DENND5B: variants seen among roughly 807,000 people sequenced by gnomAD.
The protein encoded by DENND5B is DENN domain containing 5B, also known as DENN domain-containing protein 5B.
A neutral mutation model predicts 140.6 loss-of-function variants in DENND5B; 34 were observed. The observed-to-expected ratio is 0.24, with a 90% CI of 0.18 to 0.32. The LOEUF (loss-of-function observed/expected upper bound fraction) is 0.32. Ranked by LOEUF, DENND5B falls within the 10% of genes least tolerant of loss-of-function variation. The probability of loss-of-function intolerance (pLI) is 1.00; values close to 1 mark genes in which losing one functional copy is unlikely to be tolerated. For missense variants in DENND5B, 1,142 were observed against 1,560.2 expected, an observed-to-expected ratio of 0.73 and a Z score of 4.52; for synonymous variants, 551 against 562.1, an observed-to-expected ratio of 0.98 and a Z score of 0.28.
chr12:31,442,917 T>A lies in DENND5B; in HGVS notation c.1870A>T (p.Ile624Phe). Residue 624 changes from isoleucine to phenylalanine, a missense_variant, in exon 7 of 21, where the codon ATT (isoleucine) becomes TTT (phenylalanine). Physicochemically the swap from Ile to Phe is conservative, Grantham distance 21 (BLOSUM62 0). Coordinates refer to ENST00000389082, the MANE Select transcript of DENND5B (RefSeq NM_144973.4). ...TCCATTTTCATCAGTCTCTGCTCAA[T>A]TGATTGGGCTATAAATTAAATTTAT... ...CSTLKEAAQS[I>F]EQRLMKMDHT... 6.4e-7 allele frequency: 1 copy of A among 1,566,758 alleles called. No individual in the cohort carries two copies. The highest frequency in any genetic ancestry group is 8.7e-7 in the Non-Finnish European group (1 of 1,155,734).
chr12:31,546,397 T>C (rs770923641), intron 1 of DENND5B, among the ~76,000 whole-genome samples: 9 of 151,916 alleles, frequency 5.9e-5, no homozygotes, highest in Non-Finnish European at 1.3e-4. Context: ...GAATAAAGTT[T>C]TTATTTTGGC....
intron 1 of DENND5B, among the ~76,000 whole-genome samples, chr12:31,565,942 G>A (rs1055763756): frequency 1.3e-5 from 2 of 151,990 alleles, no homozygotes; most frequent in East Asian, 3.9e-4. Flanking sequence ...AGGAGTTTGA[G>A]ACCAGCCTGG....
chr12:31,526,705 G>T (rs1275376366), intron 1 of DENND5B, among the ~76,000 whole-genome samples: 3 of 152,148 alleles, frequency 2.0e-5, no homozygotes, highest in African/African-American at 7.2e-5. Context: ...AAATCCAAAT[G>T]AAGCCTGGAG....
At chr12:31,554,813 T>A (rs1949212764) in intron 1 of DENND5B, among the ~76,000 whole-genome samples, 1 of 152,218 alleles carries the variant, frequency 6.6e-6, no homozygotes, top group Non-Finnish European at 1.5e-5. Flanking sequence ...TCATTTCGTC[T>A]TCCATCACTG....
At chr12:31,495,213 C>A (rs1946709507) in intron 2 of DENND5B, among the ~76,000 whole-genome samples, 1 of 152,132 alleles carries the variant, frequency 6.6e-6, no homozygotes, top group Non-Finnish European at 1.5e-5. Flanking sequence ...TTTATCAAAG[C>A]TTCTACATAT....
Position 31,383,021 on chromosome 12 carries a change from T to C in DENND5B, c.*4582A>G, listed in dbSNP as rs1483322798. On this transcript the variant is annotated 3_prime_UTR_variant, in exon 21 of 21. Transcript: ENST00000389082. ...ACAGACTTCAAAAGACATGGATGAC[T>C]TGGAAATAGGATTCACTTTATAAAA... 6.6e-6 allele frequency: 1 copy of C among 152,164 alleles called. No individual in the cohort carries two copies. Among genetic ancestry groups the C allele is most frequent in the Non-Finnish European group, 1.5e-5 (1 of 68,016 alleles). 9.4% of individuals were successfully genotyped at this position (152,164 alleles called of 1,614,324 possible).
rs544689022 is a variant in DENND5B at position 31,553,219 on chromosome 12, T to A, written c.127+37487A>T. Among the ~76,000 whole-genome samples, 5 of 152,358 alleles carry A rather than the reference T, an allele frequency of 3.3e-5. No homozygotes were observed. In the South Asian group the frequency reaches 1.0e-3, roughly 32 times the overall value. ...ACATTTAGTGCTATAAATTTCCCTG[T>A]ACACACTGCTTTGAATGTGTCCCAG... On this transcript the variant is annotated intron_variant, in intron 1 of 20. Transcript: ENST00000389082.
intron 9 of DENND5B, 44 bp from the exon 10 acceptor site, chr12:31,424,731 C>A: frequency 6.3e-7 from 1 of 1,587,696 alleles, no homozygotes; most frequent in Non-Finnish European, 8.6e-7. Context: ...AGCAGTGAAA[C>A]CAAAAACCAA....
intron 2 of DENND5B, among the ~76,000 whole-genome samples, chr12:31,480,873 C>T (rs1032562384): frequency 6.6e-6 from 1 of 152,094 alleles, no homozygotes. Context: ...AGCACAGAAA[C>T]AAGGCATTTT....
chr12:31,495,743 C>T (rs902669576), intron 2 of DENND5B, 67 bp downstream of exon 2: 12 of 1,152,908 alleles, frequency 1.0e-5, no homozygotes, highest in Non-Finnish European at 1.5e-5. Context: ...AAAATACAGT[C>T]ACTACCTTCA....
chr12:31,577,614 G>A (rs1317152217), intron 1 of DENND5B, among the ~76,000 whole-genome samples: 2 of 149,744 alleles, frequency 1.3e-5, no homozygotes, highest in African/African-American at 4.9e-5. Flanking sequence ...AGGAGGCTGA[G>A]ACAGGAGAAC....
rs7300990 is a variant in DENND5B at position 31,462,941 on chromosome 12, A to C, written c.905-2560T>G. Among the ~76,000 whole-genome samples the C allele has an allele frequency of 6.0e-3, 912 of 151,488 alleles. 5 individuals carry two copies. Among genetic ancestry groups the C allele is most frequent in the Non-Finnish European group, 0.01 (690 of 67,846 alleles). On this transcript the variant is annotated intron_variant, in intron 3 of 20. Transcript: ENST00000389082. ...ACTACTGCACTCCAGCCTGGGCAACAGTGAGACTCCGTCTCAGAAAAAAAA... is the reference window on the plus strand; with the variant it reads ...ACTACTGCACTCCAGCCTGGGCAACCGTGAGACTCCGTCTCAGAAAAAAAA...
chr12:31,583,156 G>A (rs1279845038), intron 1 of DENND5B, among the ~76,000 whole-genome samples: 1 of 152,144 alleles, frequency 6.6e-6, no homozygotes, highest in African/African-American at 2.4e-5. Context: ...GCCAGGTGTG[G>A]TGGCGTGTGC....
chr12:31,389,163 C>T (rs1211555242), intron 20 of DENND5B, among the ~76,000 whole-genome samples, 161 bp downstream of exon 20: 1 of 152,184 alleles, frequency 6.6e-6, no homozygotes, highest in African/African-American at 2.4e-5. Context: ...TGCCACGGTA[C>T]TCCAGCCTAG....
At chr12:31,395,797 G>A (rs793163) in intron 17 of DENND5B, among the ~76,000 whole-genome samples, 148,868 of 151,944 alleles carry the variant, frequency 0.98, 73,002 homozygotes, top group East Asian at 1. Flanking sequence ...AAACTTCTGT[G>A]ATTTTTCCCT....
At chr12:31,409,782 T>G (rs912883948) in intron 13 of DENND5B, among the ~76,000 whole-genome samples, 6 of 152,044 alleles carry the variant, frequency 3.9e-5, no homozygotes, top group African/African-American at 1.4e-4. Flanking sequence ...CCCGGCCATT[T>G]TTTTTCTTTT....
intron 1 of DENND5B, among the ~76,000 whole-genome samples, chr12:31,526,501 GA>G (rs1045980010): frequency 1.3e-5 from 2 of 152,150 alleles, no homozygotes; most frequent in African/African-American, 4.8e-5. Context: ...CCTTCCTTTA[GA>G]AATATTCACG....
chr12:31,402,691 C>G (rs773453098), intron 14 of DENND5B, 48 bp from the exon 15 acceptor site: 1 of 1,552,208 alleles, frequency 6.4e-7, no homozygotes, highest in Non-Finnish European at 8.7e-7. Flanking sequence ...ATAAAATTCT[C>G]CTTATAACAA....
rs577188331 is a variant in DENND5B at position 31,558,196 on chromosome 12, T to C, written c.127+32510A>G. ...ACGTGTATCAAAGACCAGACAGTTT[T>C]ATTGTTCTTTTCAGCAATTCCTCAT... is the stretch of plus-strand genomic sequence containing the variant. On this transcript the variant is annotated intron_variant, in intron 1 of 20. Coordinates refer to ENST00000389082, the MANE Select transcript of DENND5B (RefSeq NM_144973.4). 4.6e-5 allele frequency among the ~76,000 whole-genome samples: 7 copies of C among 152,340 alleles called. No homozygotes were observed. In the South Asian group the frequency reaches 1.5e-3, roughly 32 times the overall value.
Sources: allele counts gnomAD v4.1 joint callset (sites outside exome capture counted in the v4.1 genomes callset), GRCh38; gene constraint gnomAD v4.1.1; transcripts MANE v1.5; gene names NCBI Gene and HGNC (gene_info 2026-07-23, HGNC 2026-07-21).